The following RHOJ variants were observed in gnomAD, a reference collection of about 807,000 sequenced individuals.
The protein encoded by RHOJ is rho-related GTP-binding protein RhoJ.
In RHOJ, 11 loss-of-function variants were observed where a neutral mutation model predicts 23.4. The ratio of observed to expected loss-of-function variants is 0.47; its 90% CI spans 0.30 to 0.78. The LOEUF (loss-of-function observed/expected upper bound fraction) is 0.78. RHOJ is among the 30% of genes least tolerant of loss of function. The pLI, the probability that RHOJ is intolerant of heterozygous loss-of-function variation, is 0.08. For synonymous variants in RHOJ, 102 were observed against 102.7 expected (o/e 0.99, Z 0.04); for missense variants, 254 against 273.4 (o/e 0.93, Z 0.50).
Position 63,291,517 on chromosome 14 carries a change from A to C in RHOJ, c.*493A>C, listed in dbSNP as rs1310165651. On this transcript the variant is annotated 3_prime_UTR_variant, in exon 5 of 5. Transcript: ENST00000316754. ...TTTGTATTATTTCAAGAAATGTACT[A>C]ATTTCCAGTTCACTCAGGCCTTACT... is the stretch of plus-strand genomic sequence containing the variant. 1 of 186,998 alleles carries C rather than the reference A, an allele frequency of 5.3e-6. No homozygotes were observed. The highest frequency in any genetic ancestry group is 1.1e-5 in the Non-Finnish European group (1 of 88,240). 11.6% of individuals were successfully genotyped at this position (186,998 alleles called of 1,614,324 possible).
intron 1 of RHOJ, among the ~76,000 whole-genome samples, chr14:63,241,831 G>A (rs1170863281): frequency 1.3e-5 from 2 of 152,130 alleles, no homozygotes; most frequent in East Asian, 3.8e-4. Flanking sequence ...GTAGTATAAG[G>A]ACACTATTTT....
At chr14:63,256,677 C>T (rs754108780) in intron 1 of RHOJ, among the ~76,000 whole-genome samples, 67 of 152,196 alleles carry the variant, frequency 4.4e-4, no homozygotes, top group Admixed American at 7.2e-4. Flanking sequence ...CAGTAGCTCA[C>T]GCCTGTAATC....
intron 1 of RHOJ, among the ~76,000 whole-genome samples, chr14:63,257,236 CAAA>C (rs11463617): frequency 2.0e-5 from 1 of 49,104 alleles, no homozygotes; most frequent in African/African-American, 8.3e-5. Flanking sequence ...AGACTGTCTC[CAAA>C]AAAAAAAAAA....
chr14:63,246,598 A>T lies in RHOJ; in HGVS notation c.179-22512A>T, dbSNP rs143964720. On this transcript the variant is annotated intron_variant, in intron 1 of 4. Transcript: ENST00000316754. ...CACTTGGTACAGTGCCTACAAGGTAAGCATGCCATGAACATTAGCTATTAT... is the reference window on the plus strand; with the variant it reads ...CACTTGGTACAGTGCCTACAAGGTATGCATGCCATGAACATTAGCTATTAT... 5.0e-3 allele frequency among the ~76,000 whole-genome samples: 767 copies of T among 152,344 alleles called. 2 individuals carry two copies. Among genetic ancestry groups the T allele is most frequent in the Middle Eastern group, 0.01 (3 of 294 alleles).
chr14:63,241,549 C>A (rs777888908), intron 1 of RHOJ, among the ~76,000 whole-genome samples: 5 of 152,142 alleles, frequency 3.3e-5, no homozygotes, highest in Admixed American at 6.5e-5. Flanking sequence ...AAAAGACACT[C>A]GCATTAACTA....
intron 1 of RHOJ, among the ~76,000 whole-genome samples, chr14:63,223,183 T>C (rs1249777670): frequency 6.6e-6 from 1 of 152,206 alleles, no homozygotes; most frequent in East Asian, 1.9e-4. Flanking sequence ...TCCACACTGC[T>C]GGGTAGAGTT....
At chr14:63,225,694 A>G (rs1055006471) in intron 1 of RHOJ, among the ~76,000 whole-genome samples, 2 of 152,236 alleles carry the variant, frequency 1.3e-5, no homozygotes, top group Admixed American at 1.3e-4. Flanking sequence ...AAAACAACAG[A>G]ATTCACAGAA....
At chr14:63,269,236 T>A (rs10145453) in intron 2 of RHOJ, 68 bp downstream of exon 2, 2 of 1,137,610 alleles carry the variant, frequency 1.8e-6, no homozygotes, top group Non-Finnish European at 2.7e-6. Context: ...CATTTGCTTA[T>A]GCAGATGGGA....
chr14:63,218,652 C>T (rs1170474102), intron 1 of RHOJ, among the ~76,000 whole-genome samples: 1 of 152,168 alleles, frequency 6.6e-6, no homozygotes, highest in African/African-American at 2.4e-5. Context: ...TATTTAGCAA[C>T]CTCACCAACT....
intron 1 of RHOJ, among the ~76,000 whole-genome samples, chr14:63,229,491 CT>C (rs143870649): frequency 1.1e-4 from 16 of 148,556 alleles, no homozygotes; most frequent in African/African-American, 1.7e-4. Context: ...TAAGCTTATT[CT>C]TTTTTTTTTG....
At chr14:63,275,430 G>T (rs1204886634) in intron 2 of RHOJ, among the ~76,000 whole-genome samples, 1 of 152,188 alleles carries the variant, frequency 6.6e-6, no homozygotes, top group African/African-American at 2.4e-5. Context: ...GTGTCATGAT[G>T]CAGCCTATAA....
At chr14:63,250,158 C>CTA (rs988944302) in intron 1 of RHOJ, among the ~76,000 whole-genome samples, 2 of 152,148 alleles carry the variant, frequency 1.3e-5, no homozygotes, top group African/African-American at 4.8e-5. Flanking sequence ...TGCTCCCAAG[C>CTA]TATAAAATAT....
At chr14:63,268,695 T>C (rs561939577) in intron 1 of RHOJ, among the ~76,000 whole-genome samples, 1 of 152,244 alleles carries the variant, frequency 6.6e-6, no homozygotes, top group African/African-American at 2.4e-5. Flanking sequence ...AGCAGAGAGA[T>C]TTCTAATAGA....
intron 1 of RHOJ, among the ~76,000 whole-genome samples, chr14:63,242,453 TA>T (rs1894899826): frequency 6.6e-6 from 1 of 152,124 alleles, no homozygotes; most frequent in Non-Finnish European, 1.5e-5. Context: ...ACTGTAGTCC[TA>T]GCTACTTGGG....
At chr14:63,225,327 G>A (rs1415156717) in intron 1 of RHOJ, among the ~76,000 whole-genome samples, 1 of 152,120 alleles carries the variant, frequency 6.6e-6, no homozygotes, top group Non-Finnish European at 1.5e-5. Flanking sequence ...AACATGAATT[G>A]CCTCCAGCTT....
intron 1 of RHOJ, among the ~76,000 whole-genome samples, chr14:63,212,129 A>G (rs1383266485): frequency 6.6e-6 from 1 of 152,160 alleles, no homozygotes; most frequent in Non-Finnish European, 1.5e-5. Context: ...CTGCATCCAC[A>G]CAGCTGAATG....
intron 1 of RHOJ, among the ~76,000 whole-genome samples, chr14:63,254,682 C>CAGGGAAAG: frequency 6.6e-6 from 1 of 152,176 alleles, no homozygotes; most frequent in East Asian, 1.9e-4. Flanking sequence ...GAGGAGAAAG[C>CAGGGAAAG]AGGGAAAGCG....
intron 1 of RHOJ, among the ~76,000 whole-genome samples, chr14:63,206,474 T>C (rs1339099972): frequency 6.6e-6 from 1 of 152,204 alleles, no homozygotes; most frequent in Non-Finnish European, 1.5e-5. Context: ...TGAAACCATC[T>C]TAGCAAAAGT....
intron 1 of RHOJ, among the ~76,000 whole-genome samples, chr14:63,210,126 A>T (rs1309220651): frequency 6.6e-6 from 1 of 150,916 alleles, no homozygotes; most frequent in Non-Finnish European, 1.5e-5. Flanking sequence ...CGCCCAGCTA[A>T]TTTTTTTCTA....
Sources: gnomAD v4.1 joint callset for allele counts (sites outside exome capture counted in the v4.1 genomes callset) on GRCh38, gnomAD v4.1.1 for gene constraint, MANE v1.5 for transcripts, NCBI Gene and HGNC (gene_info 2026-07-23, HGNC 2026-07-21) for gene names.